KIAA1217: variants seen among roughly 807,000 people sequenced by gnomAD.
KIAA1217 encodes sickle tail protein homolog.
KIAA1217 carries 88 observed loss-of-function variants against 163.9 expected under a neutral mutation model. The ratio of observed to expected loss-of-function variants is 0.54; its 90% CI spans 0.45 to 0.64. KIAA1217 has a LOEUF of 0.64. Ranked by LOEUF, KIAA1217 falls within the 30% of genes least tolerant of loss-of-function variation. KIAA1217 has a pLI of 0.00. For missense variants in KIAA1217, 2,372 were observed against 2,475.0 expected, an observed-to-expected ratio of 0.96 and a Z score of 0.88; for synonymous variants, 903 against 923.1, an observed-to-expected ratio of 0.98 and a Z score of 0.39.
At chr10:24,056,224 G>A (rs1001508189) in intron 2 of KIAA1217, among the ~76,000 whole-genome samples, 1 of 151,988 alleles carries the variant, frequency 6.6e-6, no homozygotes, top group South Asian at 2.1e-4. Flanking sequence ...GATGCTTGGG[G>A]GTCTGAGATG....
At position 24,524,599 on chromosome 10, in the gene KIAA1217, T is replaced by A; in HGVS notation, c.2733T>A (p.Pro911=). Residue 911 remains proline (P), a synonymous_variant, in exon 13 of 21, where the codon CCT becomes CCA. Coordinates refer to ENST00000376454, the MANE Select transcript of KIAA1217 (RefSeq NM_019590.5). ...TGCTGAACCCTGCTCAGAACTTGCCTCACGTGGCCAGCTCCCCAGCCGTCC... is the reference window on the plus strand; with the variant it reads ...TGCTGAACCCTGCTCAGAACTTGCCACACGTGGCCAGCTCCCCAGCCGTCC... ...VALLNPAQNL[P]HVASSPAVPQ... is the part of the protein sequence containing the mutation. 1 of 1,614,018 alleles carries A rather than the reference T, an allele frequency of 6.2e-7. No homozygotes were observed. The highest frequency in any genetic ancestry group is 8.5e-7 in the Non-Finnish European group (1 of 1,180,006).
chr10:23,905,382 A>G (rs1842118801), intron 1 of KIAA1217, among the ~76,000 whole-genome samples: 1 of 151,996 alleles, frequency 6.6e-6, no homozygotes, highest in South Asian at 2.1e-4. Flanking sequence ...ACAGCCGAGG[A>G]GCCTGGAGAT....
intron 1 of KIAA1217, among the ~76,000 whole-genome samples, chr10:23,920,121 A>G (rs35264499): frequency 0.012 from 1,863 of 152,146 alleles, 19 homozygotes; most frequent in Non-Finnish European, 0.019. Flanking sequence ...CTCAGCTTTG[A>G]CCCTCTTCTG....
At position 24,346,427 on chromosome 10, in the gene KIAA1217, G is replaced by A. The variant is rs190656816; in HGVS notation, c.355-34442G>A. 2.0e-5 allele frequency among the ~76,000 whole-genome samples: 3 copies of A among 151,960 alleles called. No homozygotes were observed. The East Asian group carries it at 5.9e-4, about 30-fold the overall frequency. Reference sequence around the variant, plus strand: ...GCGGAGCTTGCAGTGAGCCGAGATCGTGCCACTGCACTCCAGCCTGGGGGA... The same window carrying A: ...GCGGAGCTTGCAGTGAGCCGAGATCATGCCACTGCACTCCAGCCTGGGGGA... On this transcript the variant is annotated intron_variant, in intron 2 of 20. Transcript: ENST00000376454.
chr10:24,283,312 T>C lies in KIAA1217; in HGVS notation c.354+63403T>C, dbSNP rs774176616. On this transcript the variant is annotated intron_variant, in intron 2 of 20. Coordinates refer to ENST00000376454, the MANE Select transcript of KIAA1217 (RefSeq NM_019590.5). ...CAGAGTGGCTTCTTCCACTTGGCAA[T>C]ATGCATTTAAGATTCGTCCATGTCT... Among the ~76,000 whole-genome samples the C allele has an allele frequency of 1.1e-4, 16 of 152,188 alleles. 1 individual carries two copies. Among genetic ancestry groups the C allele is most frequent in the South Asian group, 8.3e-4 (4 of 4,832 alleles).
chr10:23,709,053 G>A (rs1413041467), intron 1 of KIAA1217, among the ~76,000 whole-genome samples: 3 of 152,148 alleles, frequency 2.0e-5, no homozygotes, highest in Admixed American at 1.3e-4. Flanking sequence ...AGAAGCAGAT[G>A]TGTTGGCTCT....
chr10:23,876,340 A>G (rs1406087910), intron 1 of KIAA1217, among the ~76,000 whole-genome samples: 1 of 151,836 alleles, frequency 6.6e-6, no homozygotes, highest in African/African-American at 2.4e-5. Context: ...AGGAGGGTGG[A>G]AGGGATGGGA....
rs1554861323 is a variant in KIAA1217, at chr10:24,088,256, C to CATATACATATATATATATATATAT, written c.-171+80887_-171+80888insCATATATATATATATATATATATA. Among the ~76,000 whole-genome samples the CATATACATATATATATATATATAT allele has an allele frequency of 5.6e-4, 54 of 95,838 alleles. 1 individual carries two copies. The highest frequency in any genetic ancestry group is 1.6e-3 in the African/African-American group (48 of 29,792). The allele number at this position is 95,838 out of a possible 152,430, so 62.9% of individuals were successfully genotyped here. ...TCCCAGGCTCTGTTTTTTTAATATA[C>CATATACATATATATATATATATAT]ATATATATATATATATATACACACA... is the stretch of plus-strand genomic sequence containing the variant. On this transcript the variant is annotated intron_variant, in intron 2 of 18. Coordinates refer to the KIAA1217 transcript ENST00000376462.
intron 2 of KIAA1217, among the ~76,000 whole-genome samples, chr10:24,314,465 C>T (rs1046026225): frequency 6.6e-6 from 1 of 152,122 alleles, no homozygotes; most frequent in Non-Finnish European, 1.5e-5. Flanking sequence ...TGTGTGTATG[C>T]ATGTATGGTG....
At chr10:24,292,222 G>T (rs182456063) in intron 2 of KIAA1217, among the ~76,000 whole-genome samples, 2 of 152,312 alleles carry the variant, frequency 1.3e-5, no homozygotes, top group Admixed American at 1.3e-4. Flanking sequence ...TGCAGTTGAG[G>T]TTAAGTGGTC....
At chr10:23,821,077 CTTAA>C (rs1837596360) in intron 1 of KIAA1217, among the ~76,000 whole-genome samples, 1 of 149,542 alleles carries the variant, frequency 6.7e-6, no homozygotes, top group Non-Finnish European at 1.5e-5. Flanking sequence ...TCTTCATGGG[CTTAA>C]TTTTCTTGCA....
At chr10:24,281,295 G>A (rs1475611190) in intron 2 of KIAA1217, among the ~76,000 whole-genome samples, 1 of 152,152 alleles carries the variant, frequency 6.6e-6, no homozygotes, top group African/African-American at 2.4e-5. Context: ...TATGTGTGAT[G>A]TAAGTAATCA....
At chr10:24,240,121 A>G (rs542642164) in intron 2 of KIAA1217, among the ~76,000 whole-genome samples, 3 of 152,310 alleles carry the variant, frequency 2.0e-5, no homozygotes, top group East Asian at 1.9e-4. Flanking sequence ...ATAAGTAAAC[A>G]GTCTTGCCAG....
chr10:24,407,444 C>A (rs1233083494), intron 3 of KIAA1217, among the ~76,000 whole-genome samples: 2 of 152,122 alleles, frequency 1.3e-5, no homozygotes, highest in Non-Finnish European at 2.9e-5. Context: ...GAGATTCACA[C>A]CATCAAGCTC....
At chr10:23,948,399 G>C (rs537479635) in intron 1 of KIAA1217, among the ~76,000 whole-genome samples, 36 of 152,202 alleles carry the variant, frequency 2.4e-4, no homozygotes, top group Non-Finnish European at 4.7e-4. Flanking sequence ...ATTTAGGTTA[G>C]ATTGAAGGTC....
intron 2 of KIAA1217, among the ~76,000 whole-genome samples, chr10:24,133,068 G>C (rs1257481104): frequency 6.7e-6 from 1 of 148,188 alleles, no homozygotes; most frequent in Non-Finnish European, 1.5e-5. Flanking sequence ...TGGCCACTGA[G>C]AGAAAAAAAA....
chr10:24,013,299 C>T (rs1386069097), intron 2 of KIAA1217, among the ~76,000 whole-genome samples: 1 of 151,640 alleles, frequency 6.6e-6, no homozygotes. Context: ...GTGTTTTTGG[C>T]CATGATTCAA....
intron 1 of KIAA1217, among the ~76,000 whole-genome samples, chr10:23,996,086 G>A (rs970714380): frequency 2.0e-5 from 3 of 152,110 alleles, no homozygotes; most frequent in Admixed American, 2.0e-4. Context: ...TATGTGTCTG[G>A]TTTCATAGAG....
chr10:23,836,789 G>A (rs927075374), intron 1 of KIAA1217, among the ~76,000 whole-genome samples: 13 of 152,024 alleles, frequency 8.6e-5, no homozygotes, highest in African/African-American at 2.7e-4. Context: ...AATTAGCCGT[G>A]TATGGTAGCA....
Sources: gnomAD v4.1 joint callset for allele counts (sites outside exome capture counted in the v4.1 genomes callset) on GRCh38, gnomAD v4.1.1 for gene constraint, MANE v1.5 for transcripts, NCBI Gene and HGNC (gene_info 2026-07-23, HGNC 2026-07-21) for gene names.